FAM117A: variants seen among roughly 807,000 people sequenced by gnomAD.
FAM117A encodes family with sequence similarity 117 member A, also known as protein FAM117A.
Under a neutral mutation model 44.1 loss-of-function variants are expected in FAM117A, and 21 were observed. That is an observed-to-expected ratio of 0.48 (90% CI 0.34 to 0.69). The LOEUF (loss-of-function observed/expected upper bound fraction) is 0.69. FAM117A is among the 30% of genes least tolerant of loss of function. The pLI is 0.01. For synonymous variants in FAM117A, 220 were observed against 238.3 expected, an observed-to-expected ratio of 0.92 and a Z score of 0.71; for missense variants, 498 against 589.9, an observed-to-expected ratio of 0.84 and a Z score of 1.61.
intron 1 of FAM117A, among the ~76,000 whole-genome samples, chr17:49,778,045 G>C (rs1277820317): frequency 6.6e-6 from 1 of 152,222 alleles, no homozygotes; most frequent in East Asian, 1.9e-4. Context: ...CCCTTCGTAA[G>C]GGTGATCTCA....
At chr17:49,754,189 G>A (rs1321862228) in intron 1 of FAM117A, among the ~76,000 whole-genome samples, 2 of 152,138 alleles carry the variant, frequency 1.3e-5, no homozygotes, top group African/African-American at 4.8e-5. Flanking sequence ...CCCCAAACAG[G>A]GGCTGTGTGG....
chr17:49,750,313 T>TTG (rs2073671327), intron 1 of FAM117A, among the ~76,000 whole-genome samples: 1 of 148,918 alleles, frequency 6.7e-6, no homozygotes, highest in African/African-American at 2.4e-5. Context: ...TTGAGTTTCC[T>TTG]TGTGTGGTGT....
At position 49,717,617 on chromosome 17, in the gene FAM117A, C is replaced by A. The variant is rs2073510957; in HGVS notation, c.806G>T (p.Ser269Ile). 1 of 1,614,128 alleles carries A rather than the reference C, an allele frequency of 6.2e-7. No homozygotes were observed. Among genetic ancestry groups the A allele is most frequent in the Non-Finnish European group, 8.5e-7 (1 of 1,179,996 alleles). Residue 269 changes from serine (S) to isoleucine (I), a missense_variant, in exon 6 of 8, where the codon AGC becomes ATC. Ser to Ile is a moderately radical substitution (Grantham distance 142). Transcript: ENST00000240364. ...LLLLEPGNLA[S>I]SPSMSLASPQ... is the part of the protein sequence containing the mutation. ...AGATGCCAAGGACATGGAAGGAGAG[C>A]TGGCAAGGTTGCCAGGCTCCAGGAG...
At chr17:49,713,750 C>T (rs2073488921) in intron 7 of FAM117A, among the ~76,000 whole-genome samples, 1 of 152,156 alleles carries the variant, frequency 6.6e-6, no homozygotes, top group Non-Finnish European at 1.5e-5. Flanking sequence ...CTCAAGCAAT[C>T]CTCCCTTGGC....
chr17:49,764,142 C>A (rs548036720), upstream of FAM117A: 31 of 902,954 alleles, frequency 3.4e-5, no homozygotes, highest in Non-Finnish European at 4.6e-5. Flanking sequence ...AGCCCCCCAA[C>A]CCCCGAGGCC....
At chr17:49,735,761 G>A (rs940175488) in intron 1 of FAM117A, among the ~76,000 whole-genome samples, 14 of 152,018 alleles carry the variant, frequency 9.2e-5, no homozygotes, top group Admixed American at 5.9e-4. Flanking sequence ...CACCACACCC[G>A]ACCCATTCCT....
At chr17:49,734,099 C>T (rs1037645535) in intron 1 of FAM117A, among the ~76,000 whole-genome samples, 13 of 149,252 alleles carry the variant, frequency 8.7e-5, no homozygotes, top group Admixed American at 2.0e-4. Flanking sequence ...GTCGAGATCA[C>T]GCCACTGCTC....
intron 1 of FAM117A, among the ~76,000 whole-genome samples, chr17:49,746,175 A>G (rs983765773): frequency 1.3e-5 from 2 of 152,268 alleles, no homozygotes; most frequent in African/African-American, 4.8e-5. Flanking sequence ...ATATACATAA[A>G]CAGAAGGAGA....
intron 1 of FAM117A, among the ~76,000 whole-genome samples, chr17:49,774,355 A>G: frequency 8.3e-6 from 1 of 120,708 alleles, no homozygotes. Flanking sequence ...CATACTGCCC[A>G]GGCTGGTCTT....
At chr17:49,725,581 G>A (rs752501288) in intron 2 of FAM117A, among the ~76,000 whole-genome samples, 5 of 152,208 alleles carry the variant, frequency 3.3e-5, no homozygotes, top group South Asian at 2.1e-4. Flanking sequence ...AGTCATGTGC[G>A]TATCTGAGGT....
rs150080658 is a variant in FAM117A, at chr17:49,781,626, T to C, written c.-621+6871A>G. ...ACAGTGCAATGTCACACAGTGAGTA[T>C]AGTTACAATTATGAGGACTCTAGGG... On this transcript the variant is annotated intron_variant, in intron 1 of 7. Transcript: ENST00000513602. Among the ~76,000 whole-genome samples the C allele has an allele frequency of 4.0e-4, 61 of 152,284 alleles. 1 individual carries two copies. The highest frequency in any genetic ancestry group is 1.4e-3 in the African/African-American group (60 of 41,562).
At chr17:49,761,022 T>C (rs1341335581) in intron 1 of FAM117A, among the ~76,000 whole-genome samples, 1 of 152,208 alleles carries the variant, frequency 6.6e-6, no homozygotes, top group Non-Finnish European at 1.5e-5. Context: ...TGATGAATGG[T>C]TGCAGAAGGC....
chr17:49,754,385 A>C (rs1407404388), intron 1 of FAM117A, among the ~76,000 whole-genome samples: 2 of 151,926 alleles, frequency 1.3e-5, no homozygotes, highest in Non-Finnish European at 2.9e-5. Flanking sequence ...GCGCACTGCA[A>C]GCTCTGTCTC....
At chr17:49,774,453 G>A (rs2073770392) in intron 1 of FAM117A, among the ~76,000 whole-genome samples, 1 of 150,068 alleles carries the variant, frequency 6.7e-6, no homozygotes. Context: ...TCTGCCTCCT[G>A]GGTTCAAGCG....
intron 2 of FAM117A, 96 bp from the exon 3 acceptor site, chr17:49,722,690 A>G: frequency 1.0e-6 from 1 of 955,012 alleles, no homozygotes; most frequent in Non-Finnish European, 1.6e-6. Context: ...TGGCCCTTTG[A>G]GCCCTTCTCT....
At chr17:49,738,461 G>C (rs956599059) in intron 1 of FAM117A, among the ~76,000 whole-genome samples, 2 of 152,160 alleles carry the variant, frequency 1.3e-5, no homozygotes, top group African/African-American at 4.8e-5. Flanking sequence ...AGAAACCAAG[G>C]AACCCCCAAT....
intron 1 of FAM117A, among the ~76,000 whole-genome samples, chr17:49,740,442 G>A (rs1339870440): frequency 6.6e-6 from 1 of 152,090 alleles, no homozygotes; most frequent in African/African-American, 2.4e-5. Context: ...GTAGAGACGG[G>A]GTTTCACCGT....
intron 1 of FAM117A, among the ~76,000 whole-genome samples, chr17:49,737,676 A>T (rs1318005572): frequency 6.6e-6 from 1 of 152,192 alleles, no homozygotes; most frequent in Non-Finnish European, 1.5e-5. Flanking sequence ...TGTGCTTTCA[A>T]GTTTTGCCCC....
intron 5 of FAM117A, 129 bp downstream of exon 5, chr17:49,719,631 G>T: frequency 8.9e-7 from 1 of 1,121,488 alleles, no homozygotes; most frequent in Non-Finnish European, 1.2e-6. Flanking sequence ...TTTGCAGGCT[G>T]GTGTTTGTAT....
Sources: gnomAD v4.1 joint callset for allele counts (sites outside exome capture counted in the v4.1 genomes callset) on GRCh38, gnomAD v4.1.1 for gene constraint, MANE v1.5 for transcripts, NCBI Gene and HGNC (gene_info 2026-07-23, HGNC 2026-07-21) for gene names.